KY: variants seen among roughly 807,000 people sequenced by gnomAD.
KY encodes kyphoscoliosis peptidase.
In KY, 43 loss-of-function variants were observed where a neutral mutation model predicts 76.1. That is an observed-to-expected ratio of 0.57 (90% CI 0.44 to 0.73). The LOEUF is 0.73. KY is among the 30% of genes least tolerant of loss of function. The pLI, the probability that KY is intolerant of heterozygous loss-of-function variation, is 0.00. For missense variants in KY, 722 were observed against 828.9 expected (o/e 0.87, Z 1.58); for synonymous variants, 277 against 326.2 (o/e 0.85, Z 1.63).
intron 1 of KY, 139 bp from the exon 2 acceptor site, chr3:134,647,636 A>C: frequency 3.4e-6 from 2 of 591,504 alleles, no homozygotes; most frequent in Admixed American, 6.8e-5. Flanking sequence ...CATGAATAAG[A>C]TGCCCTTGAG....
At chr3:134,627,869 T>C in intron 4 of KY, 51 bp from the exon 5 acceptor site, 1 of 1,426,116 alleles carries the variant, frequency 7.0e-7, no homozygotes, top group Non-Finnish European at 9.9e-7. Flanking sequence ...GAAACAGAAA[T>C]GCAAGCACTG....
intron 3 of KY, among the ~76,000 whole-genome samples, chr3:134,634,747 C>T (rs1364865417): frequency 1.3e-5 from 2 of 152,146 alleles, no homozygotes; most frequent in Non-Finnish European, 2.9e-5. Flanking sequence ...ATGCAAAACT[C>T]GCATAGAGAG....
Position 134,604,335 on chromosome 3 carries a change from G to A in KY, c.1230C>T (p.Gly410=). 1 of 1,613,998 alleles carries A rather than the reference G, an allele frequency of 6.2e-7. No individual in the cohort carries two copies. The highest frequency in any genetic ancestry group is 8.5e-7 in the Non-Finnish European group (1 of 1,179,886). ...MKLEVYPPTM[G]THKLQIFAKG... ...TGGCAAAGATCTGCAGCTTGTGAGTGCCCATGGTTGGAGGGTACACCTCCA... is the reference window on the plus strand; with the variant it reads ...TGGCAAAGATCTGCAGCTTGTGAGTACCCATGGTTGGAGGGTACACCTCCA... The change falls in exon 11 of 11, where the codon GGC becomes GGT. Residue 410 remains glycine (G), a synonymous_variant. Transcript: ENST00000423778.
chr3:134,619,711 G>A (rs1038042913), intron 7 of KY, among the ~76,000 whole-genome samples: 12 of 152,382 alleles, frequency 7.9e-5, no homozygotes, highest in African/African-American at 2.9e-4. Context: ...CTAAGGAGGG[G>A]ATGAAGACAT....
intron 2 of KY, among the ~76,000 whole-genome samples, chr3:134,646,905 T>C (rs1055912772): frequency 6.6e-6 from 1 of 152,186 alleles, no homozygotes; most frequent in Admixed American, 6.5e-5. Context: ...CCCCTTAGTG[T>C]TACCACAGAG....
chr3:134,616,150 A>C (rs1432798818), intron 8 of KY, among the ~76,000 whole-genome samples: 1 of 152,248 alleles, frequency 6.6e-6, no homozygotes, highest in East Asian at 1.9e-4. Flanking sequence ...TGAGGCAAAA[A>C]GAGAGACATT....
At chr3:134,635,278 C>T (rs1361534833) in intron 3 of KY, among the ~76,000 whole-genome samples, 2 of 152,176 alleles carry the variant, frequency 1.3e-5, no homozygotes, top group Admixed American at 1.3e-4. Flanking sequence ...GGGTGGATCA[C>T]TTGAGGTCAG....
chr3:134,638,119 C>G (rs563921324), intron 3 of KY, among the ~76,000 whole-genome samples: 4 of 152,316 alleles, frequency 2.6e-5, no homozygotes, highest in African/African-American at 9.6e-5. Context: ...GATTCCTGCT[C>G]TCACTTACTG....
intron 4 of KY, 127 bp downstream of exon 4, chr3:134,629,494 C>T (rs1026400199): frequency 1.5e-6 from 1 of 676,892 alleles, no homozygotes; most frequent in Non-Finnish European, 2.6e-6. Context: ...TCTGCCTTTT[C>T]CCAGTTTGCA....
Position 134,604,270 on chromosome 3 carries a change from G to A in KY, c.1295C>T (p.Thr432Met), listed in dbSNP as rs756434636. Residue 432 changes from threonine to methionine, a missense_variant, in exon 11 of 11, where the codon ACG becomes ATG. Physicochemically the swap from Thr to Met is moderately conservative, Grantham distance 81. Transcript: ENST00000423778. ...SDIYSSVLEYTLKCNYVDMGV... is the reference protein window; with the variant it reads ...SDIYSSVLEYMLKCNYVDMGV... ...CATGTCCACATAATTGCACTTGAGC[G>A]TGTACTCCAGCACTGAGCTGTAGAT... is the stretch of plus-strand genomic sequence containing the variant. The A allele has an allele frequency of 1.1e-5, 18 of 1,613,864 alleles. No individual in the cohort carries two copies. Among genetic ancestry groups the A allele is most frequent in the African/African-American group, 6.7e-5 (5 of 74,928 alleles).
chr3:134,604,552 C>A (rs1312699303), intron 10 of KY, 78 bp from the exon 11 acceptor site: 5 of 1,298,508 alleles, frequency 3.9e-6, no homozygotes, highest in Non-Finnish European at 1.1e-6. Flanking sequence ...ACAACTGTCT[C>A]CCTGGGAGAA....
At chr3:134,614,804 C>G (rs1210114494) in intron 8 of KY, among the ~76,000 whole-genome samples, 5 of 152,114 alleles carry the variant, frequency 3.3e-5, no homozygotes, top group Non-Finnish European at 7.4e-5. Context: ...CAAGGCCAGG[C>G]CCCAACAGCT....
chr3:134,645,537 C>T (rs1486397373), intron 2 of KY, among the ~76,000 whole-genome samples: 1 of 152,246 alleles, frequency 6.6e-6, no homozygotes, highest in African/African-American at 2.4e-5. Flanking sequence ...TCAATACCTG[C>T]ACTCAGAATC....
Position 134,603,741 on chromosome 3 carries a change from C to T in KY, c.1824G>A (p.Leu608=), listed in dbSNP as rs1189551185. ...KLKLHGIAKV[L]VKGQDTWPLT... ...GGGGCCATGTGTCCTGCCCCTTCAC[C>T]AGGACTTTGGCAATACCATGCAGCT... is the stretch of plus-strand genomic sequence containing the variant. The change falls in exon 11 of 11, where the codon CTG becomes CTA. Residue 608 remains leucine (L), a synonymous_variant. Transcript: ENST00000423778. 6.2e-7 allele frequency: 1 copy of T among 1,612,444 alleles called. No individual in the cohort carries two copies. The highest frequency in any genetic ancestry group is 2.2e-5 in the East Asian group (1 of 44,842).
intron 10 of KY, among the ~76,000 whole-genome samples, chr3:134,606,468 T>C (rs1038955279): frequency 2.0e-5 from 3 of 152,128 alleles, no homozygotes; most frequent in Non-Finnish European, 4.4e-5. Flanking sequence ...GGATAAGGCT[T>C]CATGGTAATG....
intron 3 of KY, among the ~76,000 whole-genome samples, chr3:134,633,620 A>G (rs1473976530): frequency 1.3e-5 from 2 of 152,114 alleles, no homozygotes; most frequent in African/African-American, 2.4e-5. Context: ...GAAAAAGGAA[A>G]CCTACAAAAA....
chr3:134,647,436 G>C lies in KY; in HGVS notation c.198C>G (p.His66Gln), dbSNP rs747530241. 1.2e-6 allele frequency: 2 copies of C among 1,605,956 alleles called. No homozygotes were observed. The highest frequency in any genetic ancestry group is 3.4e-5 in the Admixed American group (2 of 59,590). Residue 66 changes from histidine (H) to glutamine (Q), a missense_variant and splice_region_variant, in exon 2 of 11, where the codon CAC (histidine) becomes CAG (glutamine). This residue lies in a region of KY where 170 missense variants were observed against 148.1 expected (regional missense o/e 1.15). Coordinates refer to ENST00000423778, the MANE Select transcript of KY (RefSeq NM_178554.6). Reference sequence around the variant, plus strand: ...GTTGAAAGGAAAAAGAGAATTTACCGTGAAAGTCATTTCCTTCTAATTTCT... The same window carrying C: ...GTTGAAAGGAAAAAGAGAATTTACCCTGAAAGTCATTTCCTTCTAATTTCT... ...RWQKLEGNDF[H>Q]ENLVEKQHPQ... is the part of the protein sequence containing the mutation.
chr3:134,602,266 C>T lies in KY; in HGVS notation c.*1313G>A, dbSNP rs762060474. ...CTCGCCTTTCCCTCTTATCTGCCCT[C>T]GCTGAAGTCAGCCTTTCCTCCGTTG... On this transcript the variant is annotated 3_prime_UTR_variant, in exon 11 of 11. Transcript: ENST00000423778. Among the ~76,000 whole-genome samples, 3 of 152,114 alleles carry T rather than the reference C, an allele frequency of 2.0e-5. No individual in the cohort carries two copies. The highest frequency in any genetic ancestry group is 4.4e-5 in the Non-Finnish European group (3 of 68,016).
At chr3:134,608,583 TC>T (rs1357674411) in intron 10 of KY, 65 bp downstream of exon 10, 4 of 1,613,130 alleles carry the variant, frequency 2.5e-6, no homozygotes, top group Non-Finnish European at 2.5e-6. Context: ...TCAGGCGGGC[TC>T]CTGGAGGACA....
Sources: gnomAD v4.1 joint callset for allele counts (sites outside exome capture counted in the v4.1 genomes callset) on GRCh38, gnomAD v4.1.1 for gene constraint, gnomAD v4.1.1 regional missense constraint, MANE v1.5 for transcripts, NCBI Gene and HGNC (gene_info 2026-07-23, HGNC 2026-07-21) for gene names.